Variants in RBFOX1 observed in about 807,000 individuals in gnomAD.
RBFOX1 encodes RNA binding protein fox-1 homolog 1.
A neutral mutation model predicts 57.7 loss-of-function variants in RBFOX1; 8 were observed. That is an observed-to-expected ratio of 0.14 (90% CI 0.08 to 0.25). The LOEUF (loss-of-function observed/expected upper bound fraction) is 0.25. Ranked by LOEUF, RBFOX1 falls within the 10% of genes least tolerant of loss-of-function variation. RBFOX1 has a pLI of 1.00. For synonymous variants in RBFOX1, 326 were observed against 222.4 expected, an observed-to-expected ratio of 1.47 and a Z score of -4.15; for missense variants, 611 against 548.5, an observed-to-expected ratio of 1.11 and a Z score of -1.14.
At chr16:5,765,197 C>A (rs1403164474) in intron 3 of RBFOX1, among the ~76,000 whole-genome samples, 2 of 152,168 alleles carry the variant, frequency 1.3e-5, no homozygotes, top group African/African-American at 4.8e-5. Context: ...ATACACATAT[C>A]CTCTCCAGAA....
At chr16:7,198,119 C>T (rs2087264105) in intron 4 of RBFOX1, among the ~76,000 whole-genome samples, 1 of 149,580 alleles carries the variant, frequency 6.7e-6, no homozygotes. Flanking sequence ...CATTCTCCTG[C>T]CTCAGCCTCC....
At chr16:6,844,163 C>T (rs1012332496) in intron 3 of RBFOX1, among the ~76,000 whole-genome samples, 1 of 151,928 alleles carries the variant, frequency 6.6e-6, no homozygotes, top group African/African-American at 2.4e-5. Context: ...CAGGCCAGTC[C>T]CCTTATAGCT....
Position 6,747,315 on chromosome 16 carries a change from G to T in RBFOX1, c.-16+92665G>T, listed in dbSNP as rs1046738304. Among the ~76,000 whole-genome samples the T allele has an allele frequency of 1.3e-5, 2 of 152,192 alleles. 1 individual carries two copies. The highest frequency in any genetic ancestry group is 6.8e-3 in the Middle Eastern group (2 of 294). On this transcript the variant is annotated intron_variant, in intron 3 of 15. Coordinates refer to ENST00000550418, the MANE Select transcript of RBFOX1 (RefSeq NM_018723.4). ...CCAGCTACTCAAGAGGCTGAGGCAG[G>T]ACAATTGCTTGAACCTAGGAGGTAG...
At chr16:7,325,551 A>C (rs2096600326) in intron 4 of RBFOX1, among the ~76,000 whole-genome samples, 1 of 152,192 alleles carries the variant, frequency 6.6e-6, no homozygotes, top group Non-Finnish European at 1.5e-5. Flanking sequence ...TGCATACACT[A>C]ACTGAAAGCA....
In RBFOX1 at chr16:6,462,901, G is replaced by T. The variant is rs1459493983; in HGVS notation, c.-64+145844G>T. Among the ~76,000 whole-genome samples, 5 of 152,184 alleles carry T rather than the reference G, an allele frequency of 3.3e-5. No individual in the cohort carries two copies. In the South Asian group the frequency reaches 6.2e-4, roughly 19 times the overall value. On this transcript the variant is annotated intron_variant, in intron 2 of 15. Transcript: ENST00000550418. ...TAGGAATTATTTAGGTACAATATTT[G>T]TTCATTTTCAATTAGTTTATCTTTT...
intron 4 of RBFOX1, among the ~76,000 whole-genome samples, chr16:7,256,048 C>T (rs759772134): frequency 2.0e-5 from 3 of 152,168 alleles, no homozygotes; most frequent in Non-Finnish European, 4.4e-5. Context: ...TACATACTGC[C>T]TTTGTAATTT....
intron 2 of RBFOX1, among the ~76,000 whole-genome samples, chr16:6,520,072 G>A (rs950950317): frequency 2.6e-5 from 4 of 152,100 alleles, no homozygotes; most frequent in Admixed American, 2.0e-4. Flanking sequence ...TTCTTATTTC[G>A]TGACCAGAGA....
At chr16:5,787,562 C>T (rs2054545369) in intron 3 of RBFOX1, among the ~76,000 whole-genome samples, 1 of 152,096 alleles carries the variant, frequency 6.6e-6, no homozygotes, top group Non-Finnish European at 1.5e-5. Context: ...TGGGATACCC[C>T]ACAGACAAAA....
intron 2 of RBFOX1, among the ~76,000 whole-genome samples, chr16:5,517,224 G>A (rs552685462): frequency 6.6e-6 from 1 of 152,288 alleles, no homozygotes; most frequent in Non-Finnish European, 1.5e-5. Flanking sequence ...GTATCTCACA[G>A]CAGGTCTCCA....
At chr16:6,673,155 A>G (rs776839723) in intron 3 of RBFOX1, among the ~76,000 whole-genome samples, 10 of 152,182 alleles carry the variant, frequency 6.6e-5, no homozygotes, top group Admixed American at 3.3e-4. Flanking sequence ...AGTGATGTCT[A>G]CACTTCCCAG....
chr16:6,983,091 TGA>T (rs147571377), intron 3 of RBFOX1, among the ~76,000 whole-genome samples: 9,965 of 151,472 alleles, frequency 0.066, 403 homozygotes, highest in South Asian at 0.17. Flanking sequence ...GTGGCCATGC[TGA>T]GACATGAGTT....
intron 4 of RBFOX1, among the ~76,000 whole-genome samples, chr16:7,490,184 A>C (rs1050067897): frequency 5.3e-5 from 8 of 152,198 alleles, no homozygotes; most frequent in Admixed American, 6.5e-5. Context: ...GTCTGATTTG[A>C]CGTTTTCCCC....
At chr16:5,607,218 G>A (rs1010962715) in intron 3 of RBFOX1, among the ~76,000 whole-genome samples, 7 of 152,166 alleles carry the variant, frequency 4.6e-5, no homozygotes, top group Non-Finnish European at 8.8e-5. Flanking sequence ...CCAAGTGTGC[G>A]GACGAGATAA....
intron 4 of RBFOX1, among the ~76,000 whole-genome samples, chr16:5,923,036 C>T (rs138975403): frequency 6.6e-6 from 1 of 152,260 alleles, no homozygotes; most frequent in Non-Finnish European, 1.5e-5. Flanking sequence ...TCCCAGGGGA[C>T]TCTCCACAAG....
intron 2 of RBFOX1, among the ~76,000 whole-genome samples, chr16:6,387,119 C>T (rs887892601): frequency 6.6e-6 from 1 of 152,164 alleles, no homozygotes; most frequent in Admixed American, 6.6e-5. Context: ...ATTCAATGAA[C>T]TTCAAATCCA....
intron 1 of RBFOX1, among the ~76,000 whole-genome samples, chr16:6,306,557 G>T (rs762669792): frequency 4.6e-5 from 7 of 152,218 alleles, no homozygotes; most frequent in Non-Finnish European, 1.0e-4. Context: ...AGCTCCAGAA[G>T]CTGATAGATT....
At chr16:6,255,323 G>C (rs2097653656) in intron 1 of RBFOX1, among the ~76,000 whole-genome samples, 1 of 152,138 alleles carries the variant, frequency 6.6e-6, no homozygotes, top group African/African-American at 2.4e-5. Context: ...AGGTTCACTT[G>C]GGGCCCTTTT....
At chr16:6,769,270 C>T (rs942704732) in intron 3 of RBFOX1, among the ~76,000 whole-genome samples, 3 of 152,218 alleles carry the variant, frequency 2.0e-5, no homozygotes, top group African/African-American at 7.2e-5. Context: ...TAAGATGAGA[C>T]TTGCTCCTCC....
At chr16:7,295,098 C>G (rs1014246362) in intron 4 of RBFOX1, among the ~76,000 whole-genome samples, 3 of 152,096 alleles carry the variant, frequency 2.0e-5, no homozygotes, top group African/African-American at 7.2e-5. Flanking sequence ...AGGACTTGAC[C>G]TGATGTTGTG....
Sources: gnomAD v4.1 joint callset for allele counts (sites outside exome capture counted in the v4.1 genomes callset) on GRCh38, gnomAD v4.1.1 for gene constraint, MANE v1.5 for transcripts, NCBI Gene and HGNC (gene_info 2026-07-23, HGNC 2026-07-21) for gene names.